FGF14: variants seen among roughly 807,000 people sequenced by gnomAD.
The protein encoded by FGF14 is fibroblast growth factor 14.
FGF14 carries 5 observed loss-of-function variants against 25.5 expected under a neutral mutation model. That is an observed-to-expected ratio of 0.20 (90% confidence interval 0.10 to 0.41). FGF14 has a LOEUF of 0.41. Ranked by LOEUF, FGF14 falls within the 10% of genes least tolerant of loss-of-function variation. FGF14 has a pLI of 1.00. For missense variants in FGF14, 222 were observed against 320.1 expected, an observed-to-expected ratio of 0.69 and a Z score of 2.34; for synonymous variants, 138 against 118.3, an observed-to-expected ratio of 1.17 and a Z score of -1.08.
At chr13:101,757,809 C>T (rs1334579996) in intron 3 of FGF14, among the ~76,000 whole-genome samples, 1 of 152,130 alleles carries the variant, frequency 6.6e-6, no homozygotes, top group Non-Finnish European at 1.5e-5. Flanking sequence ...CCCCAGGAAA[C>T]TGGGATTAAG....
chr13:102,396,702 T>C (rs1239393990), intron 1 of FGF14, among the ~76,000 whole-genome samples: 2 of 152,222 alleles, frequency 1.3e-5, no homozygotes, highest in African/African-American at 2.4e-5. Flanking sequence ...TGAGAACAAG[T>C]TGTACAGCCA....
At chr13:102,157,129 A>C (rs1226057229) in intron 1 of FGF14, among the ~76,000 whole-genome samples, 1 of 152,178 alleles carries the variant, frequency 6.6e-6, no homozygotes, top group Non-Finnish European at 1.5e-5. Flanking sequence ...GCTACCAATG[A>C]CTTTCTTCAC....
chr13:101,953,088 C>T (rs1177285526), intron 1 of FGF14, among the ~76,000 whole-genome samples: 1 of 144,308 alleles, frequency 6.9e-6, no homozygotes, highest in Non-Finnish European at 1.5e-5. Context: ...CATTTTTTAC[C>T]CTCCCTCTAC....
At chr13:102,188,587 C>T (rs1280026640) in intron 1 of FGF14, among the ~76,000 whole-genome samples, 3 of 152,046 alleles carry the variant, frequency 2.0e-5, no homozygotes, top group Non-Finnish European at 2.9e-5. Context: ...TAAGTAAAGG[C>T]TATGTATTTT....
At chr13:102,392,395 T>C (rs2058453524) in intron 1 of FGF14, among the ~76,000 whole-genome samples, 2 of 152,206 alleles carry the variant, frequency 1.3e-5, no homozygotes, top group African/African-American at 4.8e-5. Context: ...CATAATCGTT[T>C]AAAAAAATCA....
chr13:102,145,758 AC>A (rs540355757), intron 1 of FGF14, among the ~76,000 whole-genome samples: 69 of 152,176 alleles, frequency 4.5e-4, no homozygotes, highest in Non-Finnish European at 8.5e-4. Context: ...AATAAAATTA[AC>A]CAGTGCATTG....
chr13:101,805,063 T>A (rs2140153733), intron 3 of FGF14, among the ~76,000 whole-genome samples: 1 of 152,304 alleles, frequency 6.6e-6, no homozygotes, highest in African/African-American at 2.4e-5. Flanking sequence ...AGTAAGGTAT[T>A]ACATTACAGT....
In FGF14 at chr13:102,264,252, A is replaced by G. The variant is rs145502422; in HGVS notation, c.208+137219T>C. Among the ~76,000 whole-genome samples, 83 of 152,250 alleles carry G rather than the reference A, an allele frequency of 5.5e-4. 2 individuals carry two copies. In the East Asian group the frequency reaches 6.6e-3, roughly 12 times the overall value. ...CCTTTCTCATGAGATTCATACTAGG[A>G]TTGCATAGGGACAATGCAGTGCTGA... On this transcript the variant is annotated intron_variant, in intron 1 of 4. Transcript: ENST00000376131.
intron 3 of FGF14, among the ~76,000 whole-genome samples, chr13:101,804,956 T>C (rs970365883): frequency 1.3e-5 from 2 of 152,212 alleles, no homozygotes; most frequent in Admixed American, 6.5e-5. Flanking sequence ...TACGGCATCA[T>C]TGTGCCTTGT....
In FGF14 at chr13:101,881,123, C is replaced by T. The variant is rs185637832; in HGVS notation, c.194-5827G>A. 6.8e-3 allele frequency among the ~76,000 whole-genome samples: 1,043 copies of T among 152,282 alleles called. 10 individuals are homozygous for T. Among genetic ancestry groups the T allele is most frequent in the South Asian group, 0.013 (64 of 4,828 alleles). ...GAGACTGTAAGAATCCTGCTTAATA[C>T]TTGACCCTTATCTCCAAGGAACAGA... On this transcript the variant is annotated intron_variant, in intron 1 of 4. Transcript: ENST00000376143.
At chr13:102,237,784 T>C (rs2051399705) in intron 1 of FGF14, among the ~76,000 whole-genome samples, 1 of 152,182 alleles carries the variant, frequency 6.6e-6, no homozygotes, top group Non-Finnish European at 1.5e-5. Flanking sequence ...ATAATAATTA[T>C]GAGTTTAAAA....
At chr13:101,989,932 T>C (rs2038804254) in intron 1 of FGF14, among the ~76,000 whole-genome samples, 1 of 152,158 alleles carries the variant, frequency 6.6e-6, no homozygotes, top group Non-Finnish European at 1.5e-5. Flanking sequence ...GTATTACTCA[T>C]TCCAAGCACA....
rs550596255 is a variant in FGF14 at position 101,719,116 on chromosome 13, A to G, written c.*3715T>C. 1 of 152,252 alleles carries G rather than the reference A, an allele frequency of 6.6e-6. No homozygotes were observed. The highest frequency in any genetic ancestry group is 2.1e-4 in the South Asian group (1 of 4,824). The allele number at this position is 152,252 out of a possible 1,614,324, so 9.4% of individuals were successfully genotyped here. ...CAATGTGGTCTCTTTTTGAATATGT[A>G]TCAAATATTAATGATCCATAATATT... On this transcript the variant is annotated 3_prime_UTR_variant, in exon 5 of 5. Transcript: ENST00000376143.
intron 1 of FGF14, among the ~76,000 whole-genome samples, chr13:101,879,667 C>T (rs182410039): frequency 6.6e-5 from 10 of 152,078 alleles, no homozygotes; most frequent in East Asian, 5.8e-4. Flanking sequence ...ATACATCATA[C>T]GAACTATGTT....
intron 1 of FGF14, chr13:102,299,894 A>G (rs2054937417): frequency 6.6e-6 from 1 of 152,144 alleles, no homozygotes. Context: ...TGAGAGAAAA[A>G]CATATATGTA....
chr13:101,758,634 C>G (rs894046279), intron 3 of FGF14, among the ~76,000 whole-genome samples: 2 of 152,162 alleles, frequency 1.3e-5, no homozygotes, highest in Admixed American at 6.6e-5. Flanking sequence ...ACCCAGAAAT[C>G]TAAACCTAAT....
intron 1 of FGF14, among the ~76,000 whole-genome samples, chr13:102,325,370 C>T (rs181520156): frequency 7.2e-5 from 11 of 152,002 alleles, no homozygotes; most frequent in South Asian, 6.2e-4. Flanking sequence ...AAAACAATAC[C>T]AACAGTCTTT....
chr13:101,917,620 C>A (rs898836972), upstream of FGF14, among the ~76,000 whole-genome samples: 1 of 151,940 alleles, frequency 6.6e-6, no homozygotes. Context: ...CCAGCACCAA[C>A]GCCCCCCCGT....
intron 1 of FGF14, among the ~76,000 whole-genome samples, chr13:102,161,634 GA>G (rs1453845233): frequency 1.3e-4 from 1 of 7,654 alleles, no homozygotes; most frequent in African/African-American, 6.5e-4. Flanking sequence ...AGAAGAAGAA[GA>G]AGAAGAAGAA....
Sources: gnomAD v4.1 joint callset for allele counts (sites outside exome capture counted in the v4.1 genomes callset) on GRCh38, gnomAD v4.1.1 for gene constraint, MANE v1.5 for transcripts, NCBI Gene and HGNC (gene_info 2026-07-23, HGNC 2026-07-21) for gene names.